Variants in HDAC9 observed in about 807,000 individuals in gnomAD.
HDAC9 encodes the protein histone deacetylase 9, also known as MEF-2 interacting transcription repressor (MITR) protein.
HDAC9 carries 41 observed loss-of-function variants against 139.4 expected under a neutral mutation model. The observed-to-expected ratio is 0.29, with a 90% CI of 0.23 to 0.38. The LOEUF (loss-of-function observed/expected upper bound fraction) is 0.38. Ranked by LOEUF, HDAC9 falls within the 10% of genes least tolerant of loss-of-function variation. HDAC9 has a pLI of 1.00. For missense variants in HDAC9, 1,147 were observed against 1,297.0 expected (o/e 0.88, Z 1.78); for synonymous variants, 517 against 476.2 (o/e 1.09, Z -1.12).
At chr7:18,538,275 A>T (rs1286972861) in intron 2 of HDAC9, among the ~76,000 whole-genome samples, 3 of 152,184 alleles carry the variant, frequency 2.0e-5, no homozygotes, top group Middle Eastern at 3.2e-3. Flanking sequence ...GGTCCTGTTT[A>T]TCAGTTTGCT....
chr7:18,688,388 T>C (rs1167693340), intron 12 of HDAC9, among the ~76,000 whole-genome samples: 2 of 151,904 alleles, frequency 1.3e-5, no homozygotes, highest in Admixed American at 1.3e-4. Context: ...ACAAATTTTA[T>C]GAATAATGTG....
chr7:18,429,495 T>C (rs1790435149), intron 1 of HDAC9: 2 of 152,174 alleles, frequency 1.3e-5, no homozygotes, highest in South Asian at 4.1e-4. Flanking sequence ...CTTCATCATT[T>C]AATGTCCTCA....
chr7:18,330,241 A>C (rs954573102), intron 1 of HDAC9, among the ~76,000 whole-genome samples: 18 of 151,626 alleles, frequency 1.2e-4, no homozygotes, highest in Non-Finnish European at 1.8e-4. Flanking sequence ...AAGCTCTGTG[A>C]TAATAGTGAG....
chr7:18,571,322 A>G (rs1284501549), intron 2 of HDAC9, among the ~76,000 whole-genome samples: 1 of 152,244 alleles, frequency 6.6e-6, no homozygotes, highest in African/African-American at 2.4e-5. Flanking sequence ...TGAATTTGGC[A>G]AAATAAACAA....
chr7:18,157,803 A>AGGAGAG, intron 1 of HDAC9, among the ~76,000 whole-genome samples: 2 of 68,890 alleles, frequency 2.9e-5, no homozygotes, highest in African/African-American at 6.2e-5. Flanking sequence ...GTTCTAAGGC[A>AGGAGAG]TGAGAGAGAG....
At position 18,786,613 on chromosome 7, in the gene HDAC9, C is replaced by G. The variant is rs1026336465; in HGVS notation, c.2215-6732C>G. ...TCCTTCCTTCCTTCCTTCCTTCCTT[C>G]CTTCCCTCCCTCCCTCCTTCCTTCC... On this transcript the variant is annotated intron_variant, in intron 16 of 25. Coordinates refer to ENST00000686413, the MANE Select transcript of HDAC9 (RefSeq NM_178425.4). 8.1e-3 allele frequency among the ~76,000 whole-genome samples: 647 copies of G among 79,830 alleles called. 65 individuals carry two copies. Among genetic ancestry groups the G allele is most frequent in the African/African-American group, 0.038 (603 of 15,740 alleles). The allele number at this position is 79,830 out of a possible 152,430, so 52.4% of individuals were successfully genotyped here.
intron 21 of HDAC9, among the ~76,000 whole-genome samples, chr7:18,859,811 CATATATAT>C (rs56249427): frequency 0.057 from 2,551 of 44,768 alleles, 77 homozygotes; most frequent in Admixed American, 0.069. Context: ...CTAACGCTCT[CATATATAT>C]ATATATATAT....
At chr7:18,931,367 A>T (rs1468668489) in intron 22 of HDAC9, among the ~76,000 whole-genome samples, 2 of 152,204 alleles carry the variant, frequency 1.3e-5, no homozygotes, top group South Asian at 4.1e-4. Context: ...TCTTATCGGC[A>T]TCATAATGAG....
intron 25 of HDAC9, among the ~76,000 whole-genome samples, chr7:18,979,368 A>G (rs1394424207): frequency 6.6e-6 from 1 of 152,180 alleles, no homozygotes; most frequent in Non-Finnish European, 1.5e-5. Flanking sequence ...TAATGTACTT[A>G]GAAACATGAT....
chr7:18,437,388 A>G (rs1285822408), intron 1 of HDAC9, among the ~76,000 whole-genome samples: 3 of 152,118 alleles, frequency 2.0e-5, no homozygotes, highest in African/African-American at 7.2e-5. Flanking sequence ...GCGACCATGG[A>G]CAACTCATTT....
intron 12 of HDAC9, among the ~76,000 whole-genome samples, chr7:18,699,753 T>C (rs180836742): frequency 3.7e-4 from 57 of 152,242 alleles, no homozygotes; most frequent in Admixed American, 3.4e-3. Flanking sequence ...TTATGCTAAT[T>C]TGTCTTGTAT....
chr7:18,600,408 G>C (rs573175828), intron 6 of HDAC9, among the ~76,000 whole-genome samples: 4 of 152,090 alleles, frequency 2.6e-5, no homozygotes, highest in Non-Finnish European at 5.9e-5. Flanking sequence ...TCTTCTAGAA[G>C]TTTTACAATA....
chr7:18,272,947 CTA>C (rs1796454800), intron 2 of HDAC9, among the ~76,000 whole-genome samples: 1 of 148,226 alleles, frequency 6.7e-6, no homozygotes, highest in African/African-American at 2.5e-5. Context: ...ACTACTACTA[CTA>C]CTACTACTAC....
chr7:18,297,430 A>G (rs1279168713), intron 1 of HDAC9, among the ~76,000 whole-genome samples: 1 of 152,090 alleles, frequency 6.6e-6, no homozygotes, highest in Non-Finnish European at 1.5e-5. Flanking sequence ...ATGTGTCTGC[A>G]TTTCTCAGAT....
intron 14 of HDAC9, among the ~76,000 whole-genome samples, chr7:18,759,673 A>G (rs1158942936): frequency 6.6e-6 from 1 of 152,202 alleles, no homozygotes; most frequent in African/African-American, 2.4e-5. Context: ...TTTGTCTTCC[A>G]CGAAACTGGT....
At chr7:18,465,915 AAC>A (rs1478278142) in intron 1 of HDAC9, among the ~76,000 whole-genome samples, 1 of 152,220 alleles carries the variant, frequency 6.6e-6, no homozygotes, top group Admixed American at 6.5e-5. Flanking sequence ...ATCAGGAACT[AAC>A]ATAAATTTAG....
intron 16 of HDAC9, among the ~76,000 whole-genome samples, chr7:18,783,165 G>C (rs1306321327): frequency 6.6e-6 from 1 of 151,922 alleles, no homozygotes; most frequent in African/African-American, 2.4e-5. Context: ...ATTCTCTCTT[G>C]GTACAATTTA....
intron 1 of HDAC9, among the ~76,000 whole-genome samples, chr7:18,299,987 T>A (rs1195469041): frequency 2.0e-5 from 3 of 152,092 alleles, no homozygotes; most frequent in Non-Finnish European, 4.4e-5. Context: ...GCAGTTGAGG[T>A]CCTAAGAGAC....
intron 2 of HDAC9, among the ~76,000 whole-genome samples, chr7:18,175,406 G>C (rs1788806897): frequency 6.6e-6 from 1 of 152,190 alleles, no homozygotes; most frequent in South Asian, 2.1e-4. Flanking sequence ...CCAACTCCTT[G>C]CACTTCCCAG....
Sources: allele counts gnomAD v4.1 joint callset (sites outside exome capture counted in the v4.1 genomes callset), GRCh38; gene constraint gnomAD v4.1.1; transcripts MANE v1.5; gene names NCBI Gene and HGNC (gene_info 2026-07-23, HGNC 2026-07-21).